Variants in CDH13 observed in about 807,000 individuals in gnomAD.
CDH13 encodes the protein cadherin-13.
A neutral mutation model predicts 63.8 loss-of-function variants in CDH13; 24 were observed. That is an observed-to-expected ratio of 0.38 (90% CI 0.27 to 0.53). CDH13 has a LOEUF of 0.53. CDH13 is among the 20% of genes least tolerant of loss of function. The pLI is 0.85. For synonymous variants in CDH13, 503 were observed against 355.3 expected (o/e 1.42, Z -4.67); for missense variants, 1,049 against 903.1 (o/e 1.16, Z -2.07).
At chr16:82,913,527 T>G (rs1012010010) in intron 2 of CDH13, among the ~76,000 whole-genome samples, 1 of 152,124 alleles carries the variant, frequency 6.6e-6, no homozygotes, top group African/African-American at 2.4e-5. Flanking sequence ...GCCATCAAGT[T>G]GATGGCTTGT....
At chr16:82,809,659 A>G (rs564765133) in intron 1 of CDH13, among the ~76,000 whole-genome samples, 25 of 152,268 alleles carry the variant, frequency 1.6e-4, no homozygotes, top group African/African-American at 5.8e-4. Flanking sequence ...CAAGCAACAT[A>G]AAGGTATTAA....
At chr16:82,853,994 G>A (rs1244214981) in intron 1 of CDH13, among the ~76,000 whole-genome samples, 1 of 152,140 alleles carries the variant, frequency 6.6e-6, no homozygotes, top group African/African-American at 2.4e-5. Flanking sequence ...AGCAATGAGG[G>A]GTGCTGCTTT....
intron 5 of CDH13, among the ~76,000 whole-genome samples, chr16:83,235,247 G>T (rs995603980): frequency 6.6e-6 from 1 of 152,140 alleles, no homozygotes; most frequent in Non-Finnish European, 1.5e-5. Flanking sequence ...ACTTAGGTTT[G>T]CAGGGAAGCA....
chr16:83,021,679 G>T (rs148040766), intron 2 of CDH13, among the ~76,000 whole-genome samples: 12 of 152,308 alleles, frequency 7.9e-5, no homozygotes, highest in African/African-American at 2.9e-4. Context: ...CTGAAGCATG[G>T]AATGGAATTA....
chr16:82,738,496 G>T (rs527303633), intron 1 of CDH13, among the ~76,000 whole-genome samples: 1 of 152,156 alleles, frequency 6.6e-6, no homozygotes, highest in Non-Finnish European at 1.5e-5. Context: ...GCCCTAAAAC[G>T]TTTAGTGGCT....
intron 1 of CDH13, among the ~76,000 whole-genome samples, chr16:82,709,768 G>A (rs2031771347): frequency 6.6e-6 from 1 of 152,116 alleles, no homozygotes; most frequent in Non-Finnish European, 1.5e-5. Context: ...GTATCTACAG[G>A]GTGGGCCATC....
At chr16:83,008,579 C>T (rs548380484) in intron 2 of CDH13, among the ~76,000 whole-genome samples, 15 of 152,248 alleles carry the variant, frequency 9.9e-5, no homozygotes, top group Middle Eastern at 6.8e-3. Flanking sequence ...AGGTGGTTTT[C>T]AGTAGACGAG....
chr16:83,446,499 C>A (rs763719011), intron 6 of CDH13, among the ~76,000 whole-genome samples: 1 of 152,000 alleles, frequency 6.6e-6, no homozygotes, highest in African/African-American at 2.4e-5. Context: ...TATTCCCAGC[C>A]GCAGAGAAGA....
At chr16:83,119,059 C>G (rs1413089790) in intron 3 of CDH13, among the ~76,000 whole-genome samples, 1 of 152,180 alleles carries the variant, frequency 6.6e-6, no homozygotes, top group South Asian at 2.1e-4. Context: ...CCAAAAGCTG[C>G]TCTTTCTAAA....
In CDH13 at chr16:82,659,129, T is replaced by C. The variant is rs117955163; in HGVS notation, c.45+31992T>C. Among the ~76,000 whole-genome samples the C allele has an allele frequency of 1.5e-3, 236 of 152,326 alleles. 4 individuals carry two copies. In the East Asian group the frequency reaches 0.04, roughly 26 times the overall value. On this transcript the variant is annotated intron_variant, in intron 1 of 13. Coordinates refer to ENST00000567109, the MANE Select transcript of CDH13 (RefSeq NM_001257.5). ...CCAGAAGAAAACAGTGCACAGTTGCTGCTGGTTCCCAATAGTTGATTTGAC... is the reference window on the plus strand; with the variant it reads ...CCAGAAGAAAACAGTGCACAGTTGCCGCTGGTTCCCAATAGTTGATTTGAC...
At chr16:83,126,648 A>G (rs952547598) in intron 4 of CDH13, among the ~76,000 whole-genome samples, 4 of 152,206 alleles carry the variant, frequency 2.6e-5, no homozygotes, top group Non-Finnish European at 5.9e-5. Flanking sequence ...GATCTCGAGA[A>G]CAAAGAACAA....
At chr16:82,972,552 C>A (rs552933532) in intron 2 of CDH13, among the ~76,000 whole-genome samples, 1 of 152,208 alleles carries the variant, frequency 6.6e-6, no homozygotes, top group African/African-American at 2.4e-5. Context: ...ACTTCCCTCA[C>A]ATGCAAAGTG....
At chr16:82,657,523 A>C (rs2150919402) in intron 1 of CDH13, among the ~76,000 whole-genome samples, 1 of 152,314 alleles carries the variant, frequency 6.6e-6, no homozygotes, top group African/African-American at 2.4e-5. Context: ...AAAACTTATG[A>C]ATTATTTTTG....
intron 6 of CDH13, among the ~76,000 whole-genome samples, chr16:83,449,489 G>C (rs542774755): frequency 1.7e-4 from 26 of 152,252 alleles, no homozygotes; most frequent in African/African-American, 6.0e-4. Flanking sequence ...GAAATTTCTG[G>C]AAATATCACT....
chr16:83,741,277 G>A (rs1005229766), intron 10 of CDH13, among the ~76,000 whole-genome samples: 2 of 152,110 alleles, frequency 1.3e-5, no homozygotes, highest in Admixed American at 6.5e-5. Flanking sequence ...TTCTGGTTCT[G>A]CTTTTAATAA....
intron 3 of CDH13, among the ~76,000 whole-genome samples, chr16:83,115,247 T>A (rs547020298): frequency 2.6e-4 from 39 of 152,300 alleles, no homozygotes; most frequent in African/African-American, 9.4e-4. Context: ...TTACATCTTT[T>A]AACTTCAGGA....
chr16:83,450,259 T>A (rs1414912875), intron 6 of CDH13, among the ~76,000 whole-genome samples: 1 of 152,226 alleles, frequency 6.6e-6, no homozygotes, highest in Non-Finnish European at 1.5e-5. Flanking sequence ...TCTTAGCTGC[T>A]TAGGCTCTGC....
intron 11 of CDH13, among the ~76,000 whole-genome samples, chr16:83,755,919 G>A (rs1597183200): frequency 6.6e-6 from 1 of 152,172 alleles, no homozygotes; most frequent in African/African-American, 2.4e-5. Context: ...AAGTAAAATT[G>A]TAAGGACATA....
intron 6 of CDH13, among the ~76,000 whole-genome samples, chr16:83,375,401 G>A (rs1218879245): frequency 6.6e-6 from 1 of 152,150 alleles, no homozygotes; most frequent in Non-Finnish European, 1.5e-5. Context: ...AGCTATCAGT[G>A]GCTATGGAAT....
Sources: allele counts gnomAD v4.1 joint callset (sites outside exome capture counted in the v4.1 genomes callset), GRCh38; gene constraint gnomAD v4.1.1; transcripts MANE v1.5; gene names NCBI Gene and HGNC (gene_info 2026-07-23, HGNC 2026-07-21).